SLC35F3: variants seen among roughly 807,000 people sequenced by gnomAD.
SLC35F3 encodes the protein solute carrier family 35 member F3, also known as putative thiamine transporter SLC35F3.
A neutral mutation model predicts 49.9 loss-of-function variants in SLC35F3; 25 were observed. The ratio of observed to expected loss-of-function variants is 0.50; its 90% CI spans 0.37 to 0.70. The LOEUF (loss-of-function observed/expected upper bound fraction) is 0.70, where lower values mean the gene tolerates loss of function less well. Ranked by LOEUF, SLC35F3 falls within the 30% of genes least tolerant of loss-of-function variation. SLC35F3 has a pLI of 0.00. For synonymous variants in SLC35F3, 275 were observed against 265.4 expected (o/e 1.04, Z -0.35); for missense variants, 525 against 639.8 (o/e 0.82, Z 1.94).
chr1:233,905,047 G>T lies in SLC35F3; in HGVS notation c.-31G>T. On this transcript the variant is annotated 5_prime_UTR_variant, in exon 1 of 8. Coordinates refer to ENST00000366618, the MANE Select transcript of SLC35F3 (RefSeq NM_173508.4). ...CCCGCGGCCCCTCCGCCTCAAGTCT[G>T]GGAGCTGCCGGTCCCACTCTGTCTT... is the stretch of plus-strand genomic sequence containing the variant. 6.4e-7 allele frequency: 1 copy of T among 1,550,958 alleles called. No homozygotes were observed. The highest frequency in any genetic ancestry group is 2.4e-5 in the East Asian group (1 of 41,396).
intron 2 of SLC35F3, among the ~76,000 whole-genome samples, chr1:233,940,025 A>G (rs956561211): frequency 6.6e-6 from 1 of 152,188 alleles, no homozygotes; most frequent in African/African-American, 2.4e-5. Context: ...CACTCCCTAG[A>G]GGTGACCACT....
intron 2 of SLC35F3, among the ~76,000 whole-genome samples, chr1:234,144,407 G>A (rs7553474): frequency 3.3e-4 from 50 of 152,260 alleles, no homozygotes; most frequent in African/African-American, 1.1e-3. Context: ...GGTCCTTCAT[G>A]ACTTCTCATG....
chr1:234,278,949 A>C (rs1049626658), intron 3 of SLC35F3, among the ~76,000 whole-genome samples: 1 of 152,132 alleles, frequency 6.6e-6, no homozygotes, highest in African/African-American at 2.4e-5. Flanking sequence ...TGAGACAGGT[A>C]TCAGTCAATT....
chr1:234,167,456 A>G (rs1666337038), intron 2 of SLC35F3, among the ~76,000 whole-genome samples: 3 of 152,176 alleles, frequency 2.0e-5, no homozygotes, highest in Admixed American at 1.3e-4. Flanking sequence ...ATCCCCCCAA[A>G]TCCATGGCTC....
chr1:234,056,919 C>T (rs1234417757), intron 2 of SLC35F3, among the ~76,000 whole-genome samples: 2 of 152,194 alleles, frequency 1.3e-5, no homozygotes, highest in Non-Finnish European at 2.9e-5. Context: ...GAAAAGACTA[C>T]TCTTTCTCAA....
chr1:234,322,439 G>C (rs191505353), intron 7 of SLC35F3, among the ~76,000 whole-genome samples: 1 of 152,074 alleles, frequency 6.6e-6, no homozygotes, highest in Non-Finnish European at 1.5e-5. Flanking sequence ...TAAGAAAATC[G>C]TAAGAAAGAG....
chr1:234,236,925 T>TTATA (rs55846915), intron 3 of SLC35F3, among the ~76,000 whole-genome samples: 2,440 of 95,750 alleles, frequency 0.025, 139 homozygotes, highest in East Asian at 0.072. Flanking sequence ...AAAAAAAAAA[T>TTATA]TATATATATA....
At chr1:234,183,672 C>G (rs538241215) in intron 2 of SLC35F3, among the ~76,000 whole-genome samples, 1 of 142,864 alleles carries the variant, frequency 7.0e-6, no homozygotes, top group African/African-American at 2.4e-5. Flanking sequence ...TGCCTGTATG[C>G]AGAGTTTATC....
At chr1:234,120,342 C>T (rs935066992) in intron 2 of SLC35F3, among the ~76,000 whole-genome samples, 1 of 152,212 alleles carries the variant, frequency 6.6e-6, no homozygotes, top group Non-Finnish European at 1.5e-5. Context: ...AACTGCAGGA[C>T]TTTTTATTGT....
intron 2 of SLC35F3, among the ~76,000 whole-genome samples, chr1:233,964,512 C>T (rs1662864702): frequency 6.6e-6 from 1 of 152,164 alleles, no homozygotes. Flanking sequence ...GATCAACAAA[C>T]AAGAAGTTAA....
At chr1:234,161,037 G>A (rs998749768) in intron 2 of SLC35F3, among the ~76,000 whole-genome samples, 2 of 152,106 alleles carry the variant, frequency 1.3e-5, no homozygotes, top group South Asian at 2.1e-4. Context: ...CCTCAGTGAC[G>A]ATGGCCCAGG....
intron 2 of SLC35F3, among the ~76,000 whole-genome samples, chr1:234,082,034 C>T (rs974894558): frequency 2.0e-5 from 3 of 148,020 alleles, no homozygotes; most frequent in South Asian, 2.2e-4. Context: ...GAATTACAGG[C>T]GTGAGCCACT....
chr1:234,293,671 C>G (rs924105268), intron 3 of SLC35F3, among the ~76,000 whole-genome samples: 1 of 152,112 alleles, frequency 6.6e-6, no homozygotes, highest in South Asian at 2.1e-4. Context: ...GACAGACATA[C>G]CCAAACAGCA....
chr1:234,047,822 A>C (rs1201878576), intron 2 of SLC35F3, among the ~76,000 whole-genome samples: 2 of 152,146 alleles, frequency 1.3e-5, no homozygotes, highest in African/African-American at 4.8e-5. Flanking sequence ...CTGTGAAGGG[A>C]CTGTTGATAG....
chr1:234,107,044 A>G (rs1213742780), intron 2 of SLC35F3, among the ~76,000 whole-genome samples: 1 of 152,264 alleles, frequency 6.6e-6, no homozygotes, highest in Non-Finnish European at 1.5e-5. Context: ...TCTTACAACA[A>G]CAAAAACATT....
At chr1:234,293,975 C>T (rs141295387) in intron 3 of SLC35F3, among the ~76,000 whole-genome samples, 1 of 152,316 alleles carries the variant, frequency 6.6e-6, no homozygotes, top group East Asian at 1.9e-4. Context: ...CTGAATTCCA[C>T]AAGTCGTTAT....
intron 3 of SLC35F3, 117 bp from the exon 4 acceptor site, chr1:234,308,984 T>A: frequency 1.4e-6 from 1 of 713,312 alleles, no homozygotes; most frequent in Middle Eastern, 3.9e-4. Context: ...AAATAATAAA[T>A]TTTAAAACCC....
chr1:233,983,686 C>T (rs1663221317), intron 2 of SLC35F3, among the ~76,000 whole-genome samples: 1 of 152,220 alleles, frequency 6.6e-6, no homozygotes. Context: ...GAAACCACTT[C>T]ATCAACAGAA....
At chr1:234,265,437 T>C (rs572993962) in intron 3 of SLC35F3, among the ~76,000 whole-genome samples, 1 of 152,184 alleles carries the variant, frequency 6.6e-6, no homozygotes, top group Non-Finnish European at 1.5e-5. Context: ...CCTCCCTGAA[T>C]GCTGGGATTA....
Sources: allele counts gnomAD v4.1 joint callset (sites outside exome capture counted in the v4.1 genomes callset), GRCh38; gene constraint gnomAD v4.1.1; transcripts MANE v1.5; gene names NCBI Gene and HGNC (gene_info 2026-07-23, HGNC 2026-07-21).